DOCK7: variants seen among roughly 807,000 people sequenced by gnomAD.
DOCK7 encodes dedicator of cytokinesis 7.
Under a neutral mutation model 271.0 loss-of-function variants are expected in DOCK7, and 138 were observed. The observed-to-expected ratio is 0.51, with a 90% CI of 0.44 to 0.59. The LOEUF (loss-of-function observed/expected upper bound fraction) is 0.59. Among genes scored for constraint, DOCK7 ranks in the 20% least tolerant of loss-of-function variants. DOCK7 has a pLI of 0.00. For synonymous variants in DOCK7, 823 were observed against 876.1 expected, an observed-to-expected ratio of 0.94 and a Z score of 1.07; for missense variants, 2,066 against 2,592.4, an observed-to-expected ratio of 0.80 and a Z score of 4.41.
intron 1 of DOCK7, among the ~76,000 whole-genome samples, chr1:62,678,946 T>C (rs1279367899): frequency 1.3e-5 from 2 of 152,174 alleles, no homozygotes; most frequent in African/African-American, 2.4e-5. Context: ...ATACCCCATT[T>C]ACCCTGATGT....
intron 14 of DOCK7, among the ~76,000 whole-genome samples, chr1:62,615,969 C>T (rs997825239): frequency 1.3e-5 from 2 of 151,736 alleles, no homozygotes; most frequent in Non-Finnish European, 3.0e-5. Flanking sequence ...CCAATACTAA[C>T]CACTTCAAGT....
intron 48 of DOCK7, among the ~76,000 whole-genome samples, chr1:62,472,440 TTC>T (rs1324769054): frequency 1.3e-5 from 2 of 152,150 alleles, no homozygotes; most frequent in African/African-American, 4.8e-5. Flanking sequence ...GGAGAAAACC[TTC>T]TCTACAGATA....
intron 21 of DOCK7, among the ~76,000 whole-genome samples, chr1:62,553,356 T>TA (rs1646017557): frequency 2.9e-4 from 2 of 6,856 alleles, no homozygotes; most frequent in African/African-American, 1.4e-3. Context: ...ATATATATAT[T>TA]TTTTTTTTTT....
At position 62,673,612 on chromosome 1, in the gene DOCK7, A is replaced by G. The variant is rs537007873; in HGVS notation, c.39-10482T>C. 8.5e-5 allele frequency among the ~76,000 whole-genome samples: 13 copies of G among 152,324 alleles called. No homozygotes were observed. The South Asian group carries it at 2.7e-3, about 32-fold the overall frequency. On this transcript the variant is annotated intron_variant, in intron 1 of 49. Coordinates refer to ENST00000635253, the MANE Select transcript of DOCK7 (RefSeq NM_001367561.1). ...TCCTAAAAGGATATAAATTTATCTT[A>G]AATTCCACCCTACTTCATTATAAAA...
At chr1:62,515,985 A>C (rs960450169) in intron 31 of DOCK7, among the ~76,000 whole-genome samples, 2 of 152,354 alleles carry the variant, frequency 1.3e-5, no homozygotes, top group Middle Eastern at 3.4e-3. Flanking sequence ...TGAAAGGATG[A>C]ACTGTTTAAT....
intron 48 of DOCK7, among the ~76,000 whole-genome samples, chr1:62,468,935 T>C (rs572662254): frequency 3.3e-5 from 5 of 152,202 alleles, no homozygotes; most frequent in Admixed American, 1.3e-4. Flanking sequence ...CACTAACAAA[T>C]GGAAACACAT....
At chr1:62,677,059 G>C (rs939241827) in intron 1 of DOCK7, among the ~76,000 whole-genome samples, 1 of 152,178 alleles carries the variant, frequency 6.6e-6, no homozygotes, top group Non-Finnish European at 1.5e-5. Flanking sequence ...AGTAATTATA[G>C]TCATGTGGAA....
chr1:62,612,372 C>A (rs1325179301), intron 14 of DOCK7, among the ~76,000 whole-genome samples: 1 of 151,694 alleles, frequency 6.6e-6, no homozygotes, highest in Non-Finnish European at 1.5e-5. Flanking sequence ...AGACTGGGGA[C>A]AGTCAGGGGG....
chr1:62,570,573 A>G (rs1646738071), intron 18 of DOCK7, among the ~76,000 whole-genome samples: 1 of 152,206 alleles, frequency 6.6e-6, no homozygotes, highest in East Asian at 1.9e-4. Flanking sequence ...TTCACATGGA[A>G]CCAAAAAAAG....
chr1:62,503,055 T>C (rs1228058060), intron 37 of DOCK7, among the ~76,000 whole-genome samples: 1 of 152,070 alleles, frequency 6.6e-6, no homozygotes, highest in Non-Finnish European at 1.5e-5. Flanking sequence ...AGGTTTTAAG[T>C]AAAACCAAGA....
chr1:62,476,038 A>G, intron 45 of DOCK7, 29 bp downstream of exon 45: 2 of 1,600,598 alleles, frequency 1.2e-6, no homozygotes, highest in East Asian at 2.2e-5. Context: ...AGAGATGTCT[A>G]TATGTCATTA....
chr1:62,548,204 T>A, intron 22 of DOCK7, among the ~76,000 whole-genome samples: 1 of 149,422 alleles, frequency 6.7e-6, no homozygotes, highest in African/African-American at 2.5e-5. Flanking sequence ...TAAAAGGTAG[T>A]AAATGTCAGA....
intron 18 of DOCK7, among the ~76,000 whole-genome samples, chr1:62,572,202 A>G (rs1055445332): frequency 1.3e-5 from 2 of 152,218 alleles, no homozygotes; most frequent in East Asian, 3.9e-4. Context: ...AGGTCCAACA[A>G]TCAGTGTTAC....
chr1:62,485,098 T>A (rs931362184), intron 43 of DOCK7: 45 of 956,606 alleles, frequency 4.7e-5, no homozygotes, highest in Non-Finnish European at 5.3e-5. Context: ...ATCGTGCCAC[T>A]GCACTCCAGT....
At position 62,507,952 on chromosome 1, in the gene DOCK7, G is replaced by C; in HGVS notation, c.4476+10C>G. The C allele has an allele frequency of 6.2e-7, 1 of 1,607,250 alleles. No homozygotes were observed. Among genetic ancestry groups the C allele is most frequent in the Non-Finnish European group, 8.5e-7 (1 of 1,177,002 alleles). ...TCCGTATTTTAAATTTCTCTTCTTT[G>C]CATTCTTACCTGAACAACAATCTCT... On this transcript the variant is annotated intron_variant, in intron 35 of 49. Coordinates refer to ENST00000635253, the MANE Select transcript of DOCK7 (RefSeq NM_001367561.1).
At chr1:62,642,010 C>T (rs1441853325) in intron 7 of DOCK7, among the ~76,000 whole-genome samples, 5 of 150,758 alleles carry the variant, frequency 3.3e-5, no homozygotes, top group South Asian at 2.1e-4. Context: ...TAATGCAATC[C>T]GATAATCTGT....
In DOCK7 at chr1:62,457,560, C is replaced by G; in HGVS notation, c.6358G>C (p.Val2120Leu). ...TACCTGTGGCAGGTGACAGGCAATA[C>G]TGCCTTGTATAACTGAGGGATCTTT... ...NRKIPQLYKA[V>L]LPVTCHRDSF... is the part of the protein sequence containing the mutation. Residue 2120 changes from valine to leucine, a missense_variant, in exon 49 of 50, where the codon GTA becomes CTA. By Grantham distance (32) the Val-to-Leu change is conservative. This residue lies in a region of DOCK7 where 652 missense variants were observed against 922.1 expected (regional missense o/e 0.71). Coordinates refer to ENST00000635253, the MANE Select transcript of DOCK7 (RefSeq NM_001367561.1). 2 of 1,614,052 alleles carry G rather than the reference C, an allele frequency of 1.2e-6. No homozygotes were observed. The highest frequency in any genetic ancestry group is 1.7e-6 in the Non-Finnish European group (2 of 1,179,978).
chr1:62,669,460 T>G (rs1037732063), intron 1 of DOCK7, among the ~76,000 whole-genome samples: 1 of 152,368 alleles, frequency 6.6e-6, no homozygotes, highest in Non-Finnish European at 1.5e-5. Context: ...CCTTGAGGAA[T>G]AGACAAGAAA....
At chr1:62,638,726 T>TTATA (rs1346445838) in intron 7 of DOCK7, among the ~76,000 whole-genome samples, 1 of 149,320 alleles carries the variant, frequency 6.7e-6, no homozygotes, top group African/African-American at 2.4e-5. Flanking sequence ...ATGATACAAA[T>TTATA]TATATATATA....
Sources: allele counts gnomAD v4.1 joint callset (sites outside exome capture counted in the v4.1 genomes callset), GRCh38; gene constraint gnomAD v4.1.1; regional missense constraint gnomAD v4.1.1; transcripts MANE v1.5; gene names NCBI Gene and HGNC (gene_info 2026-07-23, HGNC 2026-07-21).